The following GRIK2 variants were observed in gnomAD, a reference collection of about 807,000 sequenced individuals.
GRIK2 encodes glutamate receptor ionotropic, kainate 2.
Under a neutral mutation model 100.3 loss-of-function variants are expected in GRIK2, and 32 were observed. The ratio of observed to expected loss-of-function variants is 0.32; its 90% CI spans 0.24 to 0.43. The LOEUF (loss-of-function observed/expected upper bound fraction) is 0.43, where lower values mean the gene tolerates loss of function less well. Among genes scored for constraint, GRIK2 ranks in the 20% least tolerant of loss-of-function variants. GRIK2 has a pLI of 1.00. For missense variants in GRIK2, 843 were observed against 1,114.9 expected (o/e 0.76, Z 3.47); for synonymous variants, 417 against 389.4 (o/e 1.07, Z -0.83).
intron 14 of GRIK2, among the ~76,000 whole-genome samples, chr6:101,960,981 A>G (rs1792260696): frequency 6.6e-6 from 1 of 152,120 alleles, no homozygotes; most frequent in African/African-American, 2.4e-5. Context: ...GCAGAGCTGG[A>G]CCACCAAACT....
chr6:101,950,852 G>C (rs1371013805), intron 14 of GRIK2, among the ~76,000 whole-genome samples: 1 of 152,124 alleles, frequency 6.6e-6, no homozygotes, highest in East Asian at 1.9e-4. Context: ...TAAGTGTACT[G>C]GATCAGGGAG....
At chr6:101,990,219 C>T (rs1365958799) in intron 14 of GRIK2, among the ~76,000 whole-genome samples, 4 of 151,600 alleles carry the variant, frequency 2.6e-5, no homozygotes, top group African/African-American at 9.7e-5. Flanking sequence ...CTGTGTTAGC[C>T]ACTTTACAGG....
rs1770516922 is a variant in GRIK2 at position 102,040,677 on chromosome 6, A to G, written c.2311+5111A>G. Among the ~76,000 whole-genome samples the G allele has an allele frequency of 2.0e-5, 3 of 151,706 alleles. No individual in the cohort carries two copies. In the South Asian group the frequency reaches 6.2e-4, roughly 31 times the overall value. ...GCCAATGTTTGTAAAAATAGAAATC[A>G]GTATGAGAAGAATGTCGTTCCCTGT... On this transcript the variant is annotated intron_variant, in intron 15 of 16. Coordinates refer to ENST00000369134, the MANE Select transcript of GRIK2 (RefSeq NM_021956.5).
chr6:101,560,188 C>A (rs541188867), intron 2 of GRIK2, among the ~76,000 whole-genome samples: 9 of 152,100 alleles, frequency 5.9e-5, no homozygotes, highest in African/African-American at 1.9e-4. Context: ...CTCCATCAGA[C>A]GAGTGTCAAG....
At chr6:101,565,548 T>C (rs1777214867) in intron 2 of GRIK2, among the ~76,000 whole-genome samples, 1 of 152,090 alleles carries the variant, frequency 6.6e-6, no homozygotes, top group Non-Finnish European at 1.5e-5. Context: ...CCTTTTTTAG[T>C]GTGCAAATTA....
chr6:101,473,966 T>C (rs1772089017), intron 2 of GRIK2, among the ~76,000 whole-genome samples: 1 of 151,902 alleles, frequency 6.6e-6, no homozygotes. Flanking sequence ...TTAAAAAACC[T>C]GCTGCCTAGT....
At chr6:101,801,027 G>A (rs954432168) in intron 8 of GRIK2, among the ~76,000 whole-genome samples, 1 of 152,050 alleles carries the variant, frequency 6.6e-6, no homozygotes, top group Non-Finnish European at 1.5e-5. Context: ...TGAGCAGCTG[G>A]TATGTCTTAA....
At chr6:101,486,394 G>T (rs1488089899) in intron 2 of GRIK2, among the ~76,000 whole-genome samples, 2 of 139,508 alleles carry the variant, frequency 1.4e-5, no homozygotes, top group Admixed American at 7.1e-5. Flanking sequence ...GGTGGGGCGG[G>T]GGGGGGAAGC....
intron 2 of GRIK2, among the ~76,000 whole-genome samples, chr6:101,440,616 T>C (rs1445838893): frequency 1.3e-5 from 2 of 152,196 alleles, no homozygotes; most frequent in Non-Finnish European, 2.9e-5. Flanking sequence ...TGATAGAACC[T>C]GCACCCATGC....
intron 2 of GRIK2, among the ~76,000 whole-genome samples, chr6:101,541,376 C>CACACA (rs775232963): frequency 0.02 from 114 of 5,600 alleles, no homozygotes; most frequent in Admixed American, 0.094. Flanking sequence ...GCGCACACAA[C>CACACA]CACACACACA....
At chr6:101,889,099 C>T (rs967898944) in intron 11 of GRIK2, among the ~76,000 whole-genome samples, 3 of 151,976 alleles carry the variant, frequency 2.0e-5, no homozygotes, top group Non-Finnish European at 4.4e-5. Flanking sequence ...AGGTAGTAAA[C>T]AGAATCACAC....
chr6:102,040,741 TATA>T (rs1770520053), intron 15 of GRIK2, among the ~76,000 whole-genome samples: 1 of 151,596 alleles, frequency 6.6e-6, no homozygotes, highest in African/African-American at 2.4e-5. Flanking sequence ...CAATTTATGA[TATA>T]ATAAGTACTG....
intron 2 of GRIK2, among the ~76,000 whole-genome samples, chr6:101,435,987 A>G (rs1465982016): frequency 1.3e-5 from 2 of 152,154 alleles, no homozygotes; most frequent in East Asian, 1.9e-4. Context: ...TTTCATATGG[A>G]AATATTCAAA....
chr6:101,918,283 A>G (rs1016014997), intron 12 of GRIK2, among the ~76,000 whole-genome samples: 2 of 151,726 alleles, frequency 1.3e-5, no homozygotes, highest in African/African-American at 4.8e-5. Context: ...CTTAAGGAAA[A>G]AAAGTGTTCA....
At chr6:101,496,648 C>T (rs185359566) in intron 2 of GRIK2, among the ~76,000 whole-genome samples, 2 of 152,242 alleles carry the variant, frequency 1.3e-5, no homozygotes, top group Admixed American at 1.3e-4. Context: ...AGAGTAAGCA[C>T]CCATGAAATA....
chr6:101,811,402 C>T (rs1781316981), intron 9 of GRIK2, among the ~76,000 whole-genome samples: 1 of 151,928 alleles, frequency 6.6e-6, no homozygotes, highest in African/African-American at 2.4e-5. Context: ...GCTTCTTTTT[C>T]CATCTACCAA....
intron 2 of GRIK2, among the ~76,000 whole-genome samples, chr6:101,599,969 C>A (rs1458621371): frequency 6.6e-6 from 1 of 151,718 alleles, no homozygotes; most frequent in Non-Finnish European, 1.5e-5. Flanking sequence ...ATCATAAGTT[C>A]TTTCTCAAGG....
intron 2 of GRIK2, among the ~76,000 whole-genome samples, chr6:101,558,945 C>T (rs1414187939): frequency 6.6e-6 from 1 of 152,032 alleles, no homozygotes; most frequent in Non-Finnish European, 1.5e-5. Flanking sequence ...ATATTTATGA[C>T]TCTTTGCTAT....
At chr6:101,744,584 T>C (rs1255536899) in intron 7 of GRIK2, 2 of 135,344 alleles carry the variant, frequency 1.5e-5, no homozygotes, top group African/African-American at 2.8e-5. Flanking sequence ...CTTTTTCTTT[T>C]TTTTTTTTTT....
Sources: gnomAD v4.1 joint callset for allele counts (sites outside exome capture counted in the v4.1 genomes callset) on GRCh38, gnomAD v4.1.1 for gene constraint, MANE v1.5 for transcripts, NCBI Gene and HGNC (gene_info 2026-07-23, HGNC 2026-07-21) for gene names.